The following HERC1 variants were observed in gnomAD, a reference collection of about 807,000 sequenced individuals.
The protein encoded by HERC1 is HECT and RLD domain containing E3 ubiquitin protein ligase family member 1.
HERC1 carries 160 observed loss-of-function variants against 554.3 expected under a neutral mutation model. The observed-to-expected ratio is 0.29, with a 90% CI of 0.25 to 0.33. The LOEUF (loss-of-function observed/expected upper bound fraction) is 0.33, where lower values mean the gene tolerates loss of function less well. Ranked by LOEUF, HERC1 falls within the 10% of genes least tolerant of loss-of-function variation. The pLI, the probability that HERC1 is intolerant of heterozygous loss-of-function variation, is 1.00. For synonymous variants in HERC1, 2,175 were observed against 2,131.7 expected (o/e 1.02, Z -0.56); for missense variants, 4,919 against 5,918.5 (o/e 0.83, Z 5.54).
In HERC1 at chr15:63,729,327, A is replaced by T. The variant is rs1289581099; in HGVS notation, c.3063T>A (p.Leu1021=). The T allele has an allele frequency of 6.2e-7, 1 of 1,611,040 alleles. No individual in the cohort carries two copies. Among genetic ancestry groups the T allele is most frequent in the East Asian group, 2.2e-5 (1 of 44,816 alleles). ...AAATATCTGTGGCATGAGGCAACAAAAGCTGAAGATGTTTATGAAGCAATG... is the reference window on the plus strand; with the variant it reads ...AAATATCTGTGGCATGAGGCAACAATAGCTGAAGATGTTTATGAAGCAATG... The part of the protein sequence containing the change: ...SVALLHKHLQ[L]LLPHATDIYS... Residue 1021 remains leucine (L), a synonymous_variant, in exon 16 of 78, where the codon CTT becomes CTA. Coordinates refer to ENST00000443617, the MANE Select transcript of HERC1 (RefSeq NM_003922.4).
intron 64 of HERC1, chr15:63,637,113 T>C (rs1302080750): frequency 4.4e-6 from 2 of 456,882 alleles, no homozygotes; most frequent in Non-Finnish European, 8.8e-6. Flanking sequence ...CAAAGAACTC[T>C]GATGAAGATG....
At chr15:63,770,172 C>T (rs998488157) in intron 2 of HERC1, among the ~76,000 whole-genome samples, 2 of 152,116 alleles carry the variant, frequency 1.3e-5, no homozygotes, top group Admixed American at 6.6e-5. Context: ...ACAACTCAAT[C>T]GCTTTGTGAG....
Position 63,734,099 on chromosome 15 carries a change from C to T in HERC1, c.2646+625G>A, listed in dbSNP as rs1395900467. On this transcript the variant is annotated intron_variant, in intron 13 of 77. Coordinates refer to ENST00000443617, the MANE Select transcript of HERC1 (RefSeq NM_003922.4). The surrounding 1 kb of genome is among the most constrained non-coding windows in gnomAD (Gnocchi z 4.6). ...GTAAGATCCCTTGAGCTTAGGAGTT[C>T]AAGGTTAGAGTGAGCTATGATTGCA... Among the ~76,000 whole-genome samples the T allele has an allele frequency of 6.6e-6, 1 of 151,970 alleles. No homozygotes were observed. The highest frequency in any genetic ancestry group is 1.5e-5 in the Non-Finnish European group (1 of 68,000).
At chr15:63,648,977 A>C (rs918363058) in intron 54 of HERC1, among the ~76,000 whole-genome samples, 2 of 152,266 alleles carry the variant, frequency 1.3e-5, no homozygotes, top group African/African-American at 4.8e-5. Flanking sequence ...AGAAGAAAGC[A>C]GACTTCCTAA....
chr15:63,714,846 C>A (rs2073476352), intron 22 of HERC1, among the ~76,000 whole-genome samples: 1 of 151,684 alleles, frequency 6.6e-6, no homozygotes, highest in South Asian at 2.1e-4. Context: ...CGCACCTGGC[C>A]CAAAGACGGT....
chr15:63,782,648 T>C (rs1228765328), intron 1 of HERC1, among the ~76,000 whole-genome samples: 1 of 152,258 alleles, frequency 6.6e-6, no homozygotes, highest in Admixed American at 6.5e-5. Flanking sequence ...CAAGTCTTAG[T>C]ATTTAAGAAA....
At position 63,669,574 on chromosome 15, in the gene HERC1, G is replaced by A. The variant is rs2070800505; in HGVS notation, c.8170C>T (p.Pro2724Ser). The A allele has an allele frequency of 6.2e-7, 1 of 1,613,736 alleles. No homozygotes were observed. Among genetic ancestry groups the A allele is most frequent in the Admixed American group, 1.7e-5 (1 of 60,004 alleles). ...EVGRRQSLTS[P>S]DSQSARPANR... ...GCTGGCCTTGCTGACTGGGAATCAG[G>A]AGAAGTTAAACTTTGCCTCCTTCCT... Residue 2724 changes from proline to serine, a missense_variant, in exon 40 of 78, where the codon CCT becomes TCT. By Grantham distance (74) the Pro-to-Ser change is moderately conservative (BLOSUM62 -1). Around this residue, in one of 11 missense-constraint regions of HERC1, gnomAD observed 1,963 missense variants for 2,228.6 expected, o/e 0.88. Transcript: ENST00000443617.
At chr15:63,711,270 A>G (rs536593982) in intron 24 of HERC1, among the ~76,000 whole-genome samples, 3 of 152,176 alleles carry the variant, frequency 2.0e-5, no homozygotes, top group Non-Finnish European at 4.4e-5. Context: ...GGCTGCACTG[A>G]GCAGCCTGAA....
chr15:63,683,007 G>A (rs567680413), intron 34 of HERC1, among the ~76,000 whole-genome samples: 38 of 151,780 alleles, frequency 2.5e-4, no homozygotes, highest in African/African-American at 8.9e-4. Context: ...ATGCTGATGC[G>A]TGCCTCCAGT....
rs200232684 is a variant in HERC1, at chr15:63,628,834, T to A, written c.12967-19A>T. On this transcript the variant is annotated intron_variant, in intron 69 of 77. Coordinates refer to ENST00000443617, the MANE Select transcript of HERC1 (RefSeq NM_003922.4). Reference sequence around the variant, plus strand: ...AGCCGAGCTGGGAATAAATCACAAATATACAGACATTCAATTAGAAAGAGG... The same window carrying A: ...AGCCGAGCTGGGAATAAATCACAAAAATACAGACATTCAATTAGAAAGAGG... The A allele has an allele frequency of 9.4e-6, 15 of 1,603,838 alleles. No individual in the cohort carries two copies. The highest frequency in any genetic ancestry group is 9.4e-6 in the Non-Finnish European group (11 of 1,174,984).
intron 12 of HERC1, among the ~76,000 whole-genome samples, chr15:63,740,987 T>A (rs2074776301): frequency 6.6e-6 from 1 of 152,140 alleles, no homozygotes; most frequent in Admixed American, 6.5e-5. Context: ...TAAGAAACCA[T>A]TGCCTAATCC....
At chr15:63,828,048 T>C (rs931148906) in intron 1 of HERC1, among the ~76,000 whole-genome samples, 1 of 151,684 alleles carries the variant, frequency 6.6e-6, no homozygotes, top group African/African-American at 2.4e-5. Context: ...ATAGTTGTGA[T>C]GGTTGCACCA....
At chr15:63,818,128 T>G (rs1289435595) in intron 1 of HERC1, among the ~76,000 whole-genome samples, 2 of 152,132 alleles carry the variant, frequency 1.3e-5, no homozygotes, top group Non-Finnish European at 2.9e-5. Context: ...TCTAACCAAT[T>G]TATAGCTCTC....
chr15:63,627,749 A>C (rs2068365101), intron 70 of HERC1, among the ~76,000 whole-genome samples: 1 of 152,140 alleles, frequency 6.6e-6, no homozygotes, highest in Non-Finnish European at 1.5e-5. Flanking sequence ...ACATTAAGGT[A>C]ACAGCTACAT....
chr15:63,617,709 T>C (rs2067884842), intron 74 of HERC1, among the ~76,000 whole-genome samples: 1 of 152,192 alleles, frequency 6.6e-6, no homozygotes, highest in African/African-American at 2.4e-5. Context: ...TTCTAATTGG[T>C]GTGAGATGGT....
intron 19 of HERC1, among the ~76,000 whole-genome samples, chr15:63,721,703 T>A (rs1254246528): frequency 6.6e-6 from 1 of 151,654 alleles, no homozygotes; most frequent in Non-Finnish European, 1.5e-5. Context: ...CCAAAAAAAA[T>A]GGACAAAACT....
intron 7 of HERC1, among the ~76,000 whole-genome samples, chr15:63,754,072 G>T (rs1165243710): frequency 1.3e-5 from 2 of 151,982 alleles, no homozygotes; most frequent in Non-Finnish European, 2.9e-5. Flanking sequence ...TACTTGGGGG[G>T]CTGAGGCAGG....
intron 2 of HERC1, among the ~76,000 whole-genome samples, chr15:63,768,208 A>G (rs2075843241): frequency 6.6e-6 from 1 of 152,170 alleles, no homozygotes; most frequent in Admixed American, 6.5e-5. Context: ...CTGCCAAGTC[A>G]GTTTTTCTTT....
intron 74 of HERC1, among the ~76,000 whole-genome samples, chr15:63,617,629 T>C (rs1199920708): frequency 3.3e-5 from 5 of 152,206 alleles, no homozygotes; most frequent in South Asian, 4.1e-4. Context: ...CCACCAACAG[T>C]GTAAAAGTGT....
Sources: gnomAD v4.1 joint callset for allele counts (sites outside exome capture counted in the v4.1 genomes callset) on GRCh38, gnomAD v4.1.1 for gene constraint, gnomAD v4.1.1 regional missense constraint, Gnocchi (gnomAD v3.1) non-coding constraint, MANE v1.5 for transcripts, NCBI Gene and HGNC (gene_info 2026-07-23, HGNC 2026-07-21) for gene names.